COL4A2: variants seen among roughly 807,000 people sequenced by gnomAD.
COL4A2 encodes collagen alpha-2(IV) chain.
In COL4A2, 99 loss-of-function variants were observed where a neutral mutation model predicts 200.2. That is an observed-to-expected ratio of 0.49 (90% CI 0.42 to 0.58). COL4A2 has a LOEUF of 0.58. Among genes scored for constraint, COL4A2 ranks in the 20% least tolerant of loss-of-function variants. COL4A2 has a pLI of 0.00. For missense variants in COL4A2, 1,950 were observed against 2,314.1 expected, an observed-to-expected ratio of 0.84 and a Z score of 3.23; for synonymous variants, 897 against 900.6, an observed-to-expected ratio of 1.00 and a Z score of 0.07.
intron 37 of COL4A2, 22 bp from the exon 38 acceptor site, chr13:110,492,048 T>G: frequency 6.5e-7 from 1 of 1,548,172 alleles, no homozygotes; most frequent in African/African-American, 1.4e-5. Context: ...GTGCTCAGAC[T>G]TAATGCTGTG....
At chr13:110,343,460 T>C (rs1263469979) in intron 3 of COL4A2, among the ~76,000 whole-genome samples, 1 of 152,184 alleles carries the variant, frequency 6.6e-6, no homozygotes, top group Non-Finnish European at 1.5e-5. Context: ...ACACGCCGTC[T>C]GAAAGCTGCC....
rs1434520811 is a variant in COL4A2, at chr13:110,488,107, A to T, written c.3208-1338A>T. 2.0e-5 allele frequency among the ~76,000 whole-genome samples: 3 copies of T among 152,196 alleles called. No individual in the cohort carries two copies. In the East Asian group the frequency reaches 5.8e-4, roughly 29 times the overall value. ...AATGGCATGATCTTAGCTCACTGCA[A>T]CCACTGCCTCCTGGTTCAAGCGATT... On this transcript the variant is annotated intron_variant, in intron 34 of 47. Transcript: ENST00000360467.
intron 24 of COL4A2, among the ~76,000 whole-genome samples, chr13:110,464,712 G>A (rs9559808): frequency 0.23 from 35,612 of 152,036 alleles, 4,615 homozygotes; most frequent in Non-Finnish European, 0.3. Context: ...GCCTCGTCCC[G>A]TGGCTCAGCA....
At chr13:110,496,233 A>G (rs1265948853) in intron 40 of COL4A2, among the ~76,000 whole-genome samples, 1 of 152,244 alleles carries the variant, frequency 6.6e-6, no homozygotes, top group Non-Finnish European at 1.5e-5. Flanking sequence ...ATGAAGCTAG[A>G]ACCAGACATC....
intron 4 of COL4A2, among the ~76,000 whole-genome samples, chr13:110,366,808 T>C (rs1366819123): frequency 6.6e-6 from 1 of 152,236 alleles, no homozygotes; most frequent in Non-Finnish European, 1.5e-5. Flanking sequence ...ATAATAAATG[T>C]ATTTTTAAAT....
intron 4 of COL4A2, among the ~76,000 whole-genome samples, chr13:110,420,654 T>A (rs1414138274): frequency 6.6e-6 from 1 of 152,202 alleles, no homozygotes; most frequent in Non-Finnish European, 1.5e-5. Flanking sequence ...TGAAAATAAC[T>A]TTTCCTGTCG....
intron 39 of COL4A2, among the ~76,000 whole-genome samples, chr13:110,493,551 T>A (rs1351712700): frequency 6.6e-6 from 1 of 151,676 alleles, no homozygotes; most frequent in Non-Finnish European, 1.5e-5. Context: ...AGAAATAGAG[T>A]CCTTGCTTTT....
In COL4A2 at chr13:110,503,203, AACCCCAGGG is replaced by A. The variant is rs1406624912; in HGVS notation, c.3964_3972del (p.Pro1322_Thr1324del). 6.2e-7 allele frequency: 1 copy of A among 1,613,884 alleles called. No individual in the cohort carries two copies. Among genetic ancestry groups the A allele is most frequent in the Non-Finnish European group, 8.5e-7 (1 of 1,180,014 alleles). On this transcript the variant is annotated inframe_deletion, in exon 42 of 48. Transcript: ENST00000360467. ...ACACAGGGAACCCAGGAGCTCCAGG[AACCCCAGGG>A]ACCAAAGGATGGGCCGGGGACTCCG...
At chr13:110,419,558 C>G (rs1880167854) in intron 4 of COL4A2, among the ~76,000 whole-genome samples, 1 of 152,232 alleles carries the variant, frequency 6.6e-6, no homozygotes, top group African/African-American at 2.4e-5. Context: ...TCTTTTGCCT[C>G]TTTTCTCAGA....
intron 7 of COL4A2, chr13:110,429,460 T>A (rs2139458275): frequency 5.7e-6 from 1 of 175,874 alleles, no homozygotes; most frequent in Non-Finnish European, 1.2e-5. Flanking sequence ...ACTGTTTATA[T>A]TTGACACAAT....
At chr13:110,383,964 T>G (rs924271472) in intron 4 of COL4A2, among the ~76,000 whole-genome samples, 10 of 152,150 alleles carry the variant, frequency 6.6e-5, no homozygotes, top group Admixed American at 1.3e-4. Context: ...ACTTGGCCAC[T>G]GAGAGGTGAG....
At chr13:110,328,072 T>C (rs2139358450) in intron 3 of COL4A2, among the ~76,000 whole-genome samples, 1 of 152,322 alleles carries the variant, frequency 6.6e-6, no homozygotes, top group East Asian at 1.9e-4. Context: ...TGCAGTAAAC[T>C]GTAGGCAAGA....
chr13:110,499,152 T>G (rs562114346), intron 40 of COL4A2, among the ~76,000 whole-genome samples: 1 of 152,402 alleles, frequency 6.6e-6, no homozygotes, highest in South Asian at 2.1e-4. Flanking sequence ...TGGGAATAAT[T>G]TGAATCCGTC....
chr13:110,417,032 G>A (rs1381497259), intron 4 of COL4A2, among the ~76,000 whole-genome samples: 1 of 151,306 alleles, frequency 6.6e-6, no homozygotes, highest in Non-Finnish European at 1.5e-5. Context: ...CCAGGCTGGA[G>A]TGCAGTGGCA....
At chr13:110,458,648 G>A (rs1881876393) in intron 21 of COL4A2, 123 bp from the exon 22 acceptor site, 1 of 1,178,622 alleles carries the variant, frequency 8.5e-7, no homozygotes, top group African/African-American at 1.5e-5. Context: ...GTGCCCATCA[G>A]AACAGGCAGT....
chr13:110,436,325 CAT>C lies in COL4A2; in HGVS notation c.784_785del (p.Ile262ArgfsTer15). On this transcript the variant is annotated frameshift_variant, in exon 13 of 48. Transcript: ENST00000360467. LOFTEE classifies it high-confidence loss of function. ...GIPSDTLHPIIAPTGVTFHPD... is the reference protein window; with the variant it reads ...GIPSDTLHPIXAPTGVTFHPD... ...TTCCATCAGACACCCTCCACCCCAT[CAT>C]CGCGCCCACAGGAGTCACCTTCCAC... 6.2e-7 allele frequency: 1 copy of C among 1,614,074 alleles called. No homozygotes were observed. The highest frequency in any genetic ancestry group is 8.5e-7 in the Non-Finnish European group (1 of 1,180,028).
Position 110,438,600 on chromosome 13 carries a change from C to T in COL4A2, c.862-18C>T. On this transcript the variant is annotated intron_variant, in intron 14 of 47. Transcript: ENST00000360467. ...CCGCCCCTGGGTTGCTCCTTACGCCCCCTCTGCTCTCTCCTAGGGCATTTC... is the reference window on the plus strand; with the variant it reads ...CCGCCCCTGGGTTGCTCCTTACGCCTCCTCTGCTCTCTCCTAGGGCATTTC... 1 of 1,614,204 alleles carries T rather than the reference C, an allele frequency of 6.2e-7. No homozygotes were observed. The highest frequency in any genetic ancestry group is 8.5e-7 in the Non-Finnish European group (1 of 1,180,044).
intron 16 of COL4A2, among the ~76,000 whole-genome samples, chr13:110,440,037 A>T (rs1047777438): frequency 6.6e-6 from 1 of 152,122 alleles, no homozygotes; most frequent in Admixed American, 6.5e-5. Flanking sequence ...TTTGCAAACT[A>T]TCTTTTGCTT....
intron 16 of COL4A2, among the ~76,000 whole-genome samples, chr13:110,445,042 GGT>G (rs1881267685): frequency 6.6e-6 from 1 of 152,090 alleles, no homozygotes; most frequent in Admixed American, 6.5e-5. Context: ...GTAGAGGCAG[GGT>G]TTCACTATGT....
Sources: allele counts gnomAD v4.1 joint callset (sites outside exome capture counted in the v4.1 genomes callset), GRCh38; gene constraint gnomAD v4.1.1; transcripts MANE v1.5; gene names NCBI Gene and HGNC (gene_info 2026-07-23, HGNC 2026-07-21).